UBE2J1: variants seen among roughly 807,000 people sequenced by gnomAD.
UBE2J1 encodes ubiquitin-conjugating enzyme E2 J1.
A neutral mutation model predicts 42.1 loss-of-function variants in UBE2J1; 17 were observed. That is an observed-to-expected ratio of 0.40 (90% CI 0.28 to 0.61). The LOEUF (loss-of-function observed/expected upper bound fraction) is 0.61. Ranked by LOEUF, UBE2J1 falls within the 20% of genes least tolerant of loss-of-function variation. The pLI is 0.38. For missense variants in UBE2J1, 291 were observed against 389.4 expected (o/e 0.75, Z 2.13); for synonymous variants, 127 against 137.2 (o/e 0.93, Z 0.52).
At chr6:89,346,110 C>T (rs1200849136) in intron 1 of UBE2J1, among the ~76,000 whole-genome samples, 3 of 151,954 alleles carry the variant, frequency 2.0e-5, no homozygotes, top group East Asian at 1.9e-4. Flanking sequence ...AGGCTGGTCT[C>T]GGGCAATCCT....
intron 1 of UBE2J1, among the ~76,000 whole-genome samples, chr6:89,346,407 A>G (rs550694047): frequency 6.6e-6 from 1 of 152,250 alleles, no homozygotes; most frequent in South Asian, 2.1e-4. Context: ...GATAAATGCT[A>G]TATTAGAAAT....
intron 1 of UBE2J1, among the ~76,000 whole-genome samples, chr6:89,347,828 T>G (rs1354752325): frequency 6.6e-6 from 1 of 152,232 alleles, no homozygotes; most frequent in African/African-American, 2.4e-5. Context: ...GATGTTTACA[T>G]CTGTCAAATA....
At chr6:89,350,051 A>G (rs962872197) in intron 1 of UBE2J1, among the ~76,000 whole-genome samples, 3 of 68,090 alleles carry the variant, frequency 4.4e-5, no homozygotes, top group Non-Finnish European at 8.5e-5. Context: ...GCAGATCCAT[A>G]GACAACTACT....
chr6:89,345,101 A>G (rs1436118146), intron 1 of UBE2J1, among the ~76,000 whole-genome samples: 2 of 152,328 alleles, frequency 1.3e-5, no homozygotes, highest in East Asian at 3.9e-4. Context: ...CTTTAGAGCA[A>G]ATGGAAGAGA....
chr6:89,352,019 C>G (rs572529637), intron 1 of UBE2J1, among the ~76,000 whole-genome samples: 1 of 152,298 alleles, frequency 6.6e-6, no homozygotes, highest in African/African-American at 2.4e-5. Context: ...TTTGCTTTAG[C>G]TCTATAGTTA....
chr6:89,341,955 G>C (rs1309104431), intron 3 of UBE2J1, among the ~76,000 whole-genome samples: 1 of 152,152 alleles, frequency 6.6e-6, no homozygotes, highest in Non-Finnish European at 1.5e-5. Flanking sequence ...AACTGAGGAA[G>C]AGAGTGTAAG....
At chr6:89,338,657 GTTTTTT>G (rs11300340) in intron 3 of UBE2J1, 114 bp from the exon 4 acceptor site, 5 of 105,464 alleles carry the variant, frequency 4.7e-5, no homozygotes, top group Non-Finnish European at 8.6e-5. Flanking sequence ...TAAAAAGTTT[GTTTTTT>G]TTTTTTTTTT....
chr6:89,352,430 C>A, intron 1 of UBE2J1, 109 bp downstream of exon 1: 1 of 1,294,872 alleles, frequency 7.7e-7, no homozygotes, highest in Non-Finnish European at 1.0e-6. Flanking sequence ...AGCGCGAAAC[C>A]AGGAGCTGAG....
Position 89,338,519 on chromosome 6 carries a change from T to C in UBE2J1, c.262A>G (p.Lys88Glu). The change falls in exon 4 of 8, where the codon AAG (lysine) becomes GAG (glutamate). Residue 88 changes from lysine to glutamate, a missense_variant. Coordinates refer to ENST00000435041, the MANE Select transcript of UBE2J1 (RefSeq NM_016021.3). ...LTANGRFEVG[K>E]KICLSISGHH... Reference sequence around the variant, plus strand: ...CCTGAGATGCTCAAACAGATTTTCTTGCCCACTTCAAATCGACCATTAGCC... The same window carrying C: ...CCTGAGATGCTCAAACAGATTTTCTCGCCCACTTCAAATCGACCATTAGCC... The C allele has an allele frequency of 6.3e-7, 1 of 1,589,652 alleles. No homozygotes were observed. Among genetic ancestry groups the C allele is most frequent in the Non-Finnish European group, 8.5e-7 (1 of 1,173,304 alleles).
Position 89,340,498 on chromosome 6 carries a change from C to T in UBE2J1, c.237+1826G>A, listed in dbSNP as rs1037948930. On this transcript the variant is annotated intron_variant, in intron 3 of 7. Transcript: ENST00000435041. ...GACCCTGCTCCAACTCTACTGCCAG[C>T]ATTAGCAGTTCTCTATATCAGCTAA... 2.8e-4 allele frequency among the ~76,000 whole-genome samples: 43 copies of T among 152,220 alleles called. 1 individual carries two copies. The highest frequency in any genetic ancestry group is 1.0e-3 in the African/African-American group (43 of 41,456).
At position 89,349,955 on chromosome 6, in the gene UBE2J1, C is replaced by T. The variant is rs141955272; in HGVS notation, c.31+2584G>A. Among the ~76,000 whole-genome samples the T allele has an allele frequency of 4.0e-3, 607 of 151,902 alleles. 3 individuals carry two copies. The highest frequency in any genetic ancestry group is 0.014 in the African/African-American group (559 of 41,386). On this transcript the variant is annotated intron_variant, in intron 1 of 7. Transcript: ENST00000435041. ...TCCTTGGCCAGAGCAGACCCAAACACGGGTCAAGTAGCTTGATCCATAGAC... is the reference window on the plus strand; with the variant it reads ...TCCTTGGCCAGAGCAGACCCAAACATGGGTCAAGTAGCTTGATCCATAGAC...
Position 89,352,458 on chromosome 6 carries a change from C to G in UBE2J1, c.31+81G>C, listed in dbSNP as rs372905139. ...GAGCTGAGCCGCGAGTGGCGCCAGA[C>G]GCGAGGGGACCGAGGCGGCGACCAC... On this transcript the variant is annotated intron_variant, in intron 1 of 7. Transcript: ENST00000435041. The G allele has an allele frequency of 9.7e-6, 14 of 1,442,656 alleles. No homozygotes were observed. In the Admixed American group the frequency reaches 3.0e-4, roughly 30 times the overall value. The allele number at this position is 1,442,656 out of a possible 1,614,324, so 89.4% of individuals were successfully genotyped here. A position where few individuals can be genotyped will look rare whatever the true frequency, so the allele number is the denominator to read the frequency against.
intron 3 of UBE2J1, among the ~76,000 whole-genome samples, chr6:89,341,026 C>T (rs1768238143): frequency 6.6e-6 from 1 of 152,116 alleles, no homozygotes; most frequent in Admixed American, 6.6e-5. Flanking sequence ...CCACCCGCCT[C>T]GGCCTCCCAA....
At chr6:89,337,014 A>AT (rs1213269570) in intron 5 of UBE2J1, among the ~76,000 whole-genome samples, 1 of 151,778 alleles carries the variant, frequency 6.6e-6, no homozygotes, top group South Asian at 2.1e-4. Flanking sequence ...TAATTTTTGT[A>AT]TTTTTTTGTA....
Position 89,342,432 on chromosome 6 carries a change from G to A in UBE2J1, c.129C>T (p.Phe43=), listed in dbSNP as rs777792367. ...CGGAGTCTGGGGGCCCTCTAACCGT[G>A]AAGTGCCATTCAAAAAGGTTATCCT... ...PLEDNLFEWH[F]TVRGPPDSDF... is the part of the protein sequence containing the mutation. The change falls in exon 3 of 8, where the codon TTC becomes TTT. Residue 43 remains phenylalanine (F), a synonymous_variant. Transcript: ENST00000435041. The A allele has an allele frequency of 1.2e-6, 2 of 1,610,948 alleles. No individual in the cohort carries two copies. Among genetic ancestry groups the A allele is most frequent in the Non-Finnish European group, 8.5e-7 (1 of 1,179,164 alleles).
Position 89,335,315 on chromosome 6 carries a change from T to A in UBE2J1, c.545A>T (p.Gln182Leu), listed in dbSNP as rs1331410394. 1 of 1,599,738 alleles carries A rather than the reference T, an allele frequency of 6.3e-7. No homozygotes were observed. The highest frequency in any genetic ancestry group is 1.1e-5 in the South Asian group (1 of 88,652). ...AATTTATAGTACCTTAAAGCTTATT[T>A]GCCTAGCCAGTTCTTTGGCTTCTTG... The part of the protein sequence containing the change: ...ADQEAKELAR[Q>L]ISFKAEVNSS... The change falls in exon 6 of 8, where the codon CAA (glutamine) becomes CTA (leucine). Residue 182 changes from glutamine to leucine, a missense_variant. By Grantham distance (113) the Gln-to-Leu change is moderately radical. Coordinates refer to ENST00000435041, the MANE Select transcript of UBE2J1 (RefSeq NM_016021.3).
chr6:89,352,566 C>A lies in UBE2J1; in HGVS notation c.4G>T (p.Glu2Ter). 6.4e-7 allele frequency: 1 copy of A among 1,570,796 alleles called. No homozygotes were observed. Among genetic ancestry groups the A allele is most frequent in the East Asian group, 2.5e-5 (1 of 40,206 alleles). ...GGACTCTTCAGGTTGTAGCGGGTCT[C>A]CATGGTGGGTCGCTGGCTTGGCTCC... M[E>*]TRYNLKSPAV... is the part of the protein sequence containing the mutation. The change falls in exon 1 of 8, where the codon GAG becomes TAG. Residue 2 changes from glutamate to a stop codon, truncating the protein, a stop_gained. Transcript: ENST00000435041. LOFTEE classifies it high-confidence loss of function.
Position 89,351,069 on chromosome 6 carries a change from C to CTTTTTTTTTT in UBE2J1, c.31+1460_31+1469dup, listed in dbSNP as rs1193022037. On this transcript the variant is annotated intron_variant, in intron 1 of 7. Coordinates refer to ENST00000435041, the MANE Select transcript of UBE2J1 (RefSeq NM_016021.3). Reference sequence around the variant, plus strand: ...TCCTCCCTCCCCACCCCGGGATTCTCTTTTTTTTTTTTTTTTTTTTTTTTT... The same window carrying CTTTTTTTTTT: ...TCCTCCCTCCCCACCCCGGGATTCTCTTTTTTTTTTTTTTTTTTTTTTTTTTTTTTTTTTT... 5.8e-4 allele frequency among the ~76,000 whole-genome samples: 35 copies of CTTTTTTTTTT among 60,464 alleles called. 3 individuals carry two copies. Among genetic ancestry groups the CTTTTTTTTTT allele is most frequent in the African/African-American group, 1.8e-3 (26 of 14,476 alleles). 39.7% of individuals were successfully genotyped at this position (60,464 alleles called of 152,430 possible). A position where few individuals can be genotyped will look rare whatever the true frequency, so the allele number is the denominator to read the frequency against.
rs1003371518 is a variant in UBE2J1 at position 89,352,653 on chromosome 6, C to T, written c.-84G>A. 82 of 1,428,082 alleles carry T rather than the reference C, an allele frequency of 5.7e-5. No homozygotes were observed. In the African/African-American group the frequency reaches 1.0e-3, roughly 18 times the overall value. The allele number at this position is 1,428,082 out of a possible 1,614,324, so 88.5% of individuals were successfully genotyped here. A position where few individuals can be genotyped will look rare whatever the true frequency, so the allele number is the denominator to read the frequency against. On this transcript the variant is annotated 5_prime_UTR_variant, in exon 1 of 8. Coordinates refer to ENST00000435041, the MANE Select transcript of UBE2J1 (RefSeq NM_016021.3). ...CCGCTGCCCGGGTCTCAGCGCGGCT[C>T]GGGCGGACGGGGCCTGGCCGAGGAG...
Sources: gnomAD v4.1 joint callset for allele counts (sites outside exome capture counted in the v4.1 genomes callset) on GRCh38, gnomAD v4.1.1 for gene constraint, MANE v1.5 for transcripts, NCBI Gene and HGNC (gene_info 2026-07-23, HGNC 2026-07-21) for gene names.